FRG1: variants seen among roughly 807,000 people sequenced by gnomAD.
The protein encoded by FRG1 is protein FRG1.
A neutral mutation model predicts 37.0 loss-of-function variants in FRG1; 19 were observed. The observed-to-expected ratio is 0.51, with a 90% CI of 0.36 to 0.75. The LOEUF is 0.75. FRG1 is among the 30% of genes least tolerant of loss of function. The probability of loss-of-function intolerance (pLI) is 0.00; values close to 1 mark genes in which losing one functional copy is unlikely to be tolerated. For missense variants in FRG1, 243 were observed against 301.4 expected, an observed-to-expected ratio of 0.81 and a Z score of 1.44; for synonymous variants, 73 against 96.5, an observed-to-expected ratio of 0.76 and a Z score of 1.43.
At chr4:189,948,018 A>C (rs1233343414) in intron 2 of FRG1, among the ~76,000 whole-genome samples, 1 of 151,600 alleles carries the variant, frequency 6.6e-6, no homozygotes, top group Admixed American at 6.6e-5. Flanking sequence ...CAAATATTCT[A>C]TCCAGTTTCA....
chr4:189,958,394 A>G (rs1200538360), intron 6 of FRG1, among the ~76,000 whole-genome samples: 1 of 152,232 alleles, frequency 6.6e-6, no homozygotes, highest in Non-Finnish European at 1.5e-5. Flanking sequence ...TAATCACTCT[A>G]TGAAACATAA....
chr4:189,947,848 T>G (rs1454167839), intron 2 of FRG1, among the ~76,000 whole-genome samples: 1 of 152,240 alleles, frequency 6.6e-6, no homozygotes. Context: ...GACAGTGACA[T>G]TGCCTCATTT....
chr4:189,947,131 G>A (rs1337798117), intron 2 of FRG1, among the ~76,000 whole-genome samples: 1 of 152,192 alleles, frequency 6.6e-6, no homozygotes, highest in Admixed American at 6.5e-5. Context: ...CGTGAGCCGC[G>A]GTGCCCGGCC....
chr4:189,940,965 T>A lies in FRG1; in HGVS notation c.-45T>A. 6.5e-7 allele frequency: 1 copy of A among 1,548,464 alleles called. No individual in the cohort carries two copies. Among genetic ancestry groups the A allele is most frequent in the Non-Finnish European group, 8.9e-7 (1 of 1,123,952 alleles). On this transcript the variant is annotated 5_prime_UTR_variant, in exon 1 of 9. Transcript: ENST00000226798. ...TGTGCTGCCCCGACTCACATACTCG[T>A]CCAGAACCGGCCTCAGCCTCTCCGC...
intron 5 of FRG1, among the ~76,000 whole-genome samples, chr4:189,956,498 A>G (rs1736987855): frequency 1.3e-5 from 2 of 152,180 alleles, no homozygotes; most frequent in African/African-American, 4.8e-5. Flanking sequence ...AAACTATTGC[A>G]AAAGGGACTC....
In FRG1 at chr4:189,952,179, A is replaced by G. The variant is rs748319596; in HGVS notation, c.151A>G (p.Thr51Ala). 5 of 1,597,078 alleles carry G rather than the reference A, an allele frequency of 3.1e-6. No individual in the cohort carries two copies. Among genetic ancestry groups the G allele is most frequent in the East Asian group, 4.5e-5 (2 of 44,644 alleles). The stretch of plus-strand genomic sequence containing the variant: ...TTTTTTAGGAATCTGGTGGACAGTA[A>G]CAAACTTTGGTGAAATTTCAGGAAC... ...LDIVGIWWTV[T>A]NFGEISGTIA... The change falls in exon 3 of 9, where the codon ACA becomes GCA. Residue 51 changes from threonine (T) to alanine (A), a missense_variant. Transcript: ENST00000226798.
chr4:189,941,441 C>T (rs549832926), intron 1 of FRG1, among the ~76,000 whole-genome samples: 1 of 152,152 alleles, frequency 6.6e-6, no homozygotes, highest in African/African-American at 2.4e-5. Flanking sequence ...TGTCTCTTTT[C>T]TTTCTAGAAA....
rs1418417369 is a variant in FRG1 at position 189,953,089 on chromosome 4, C to T, written c.281C>T (p.Pro94Leu). 2 of 1,587,402 alleles carry T rather than the reference C, an allele frequency of 1.3e-6. No homozygotes were observed. The highest frequency in any genetic ancestry group is 2.7e-5 in the African/African-American group (2 of 73,392). Residue 94 changes from proline to leucine, a missense_variant, in exon 4 of 9, where the codon CCA (proline) becomes CTA (leucine). Around this residue, in one of 2 missense-constraint regions of FRG1, gnomAD observed 133 missense variants for 199.3 expected, o/e 0.67. Transcript: ENST00000226798. Reference sequence around the variant, plus strand: ...ATAGTTGATGAGGGCCCTAGTCCTCCAGAGCAGTTTACGGCTGTCAAATTA... The same window carrying T: ...ATAGTTGATGAGGGCCCTAGTCCTCTAGAGCAGTTTACGGCTGTCAAATTA... ...HKEVDEGPSPPEQFTAVKLSD... is the reference protein window; with the variant it reads ...HKEVDEGPSPLEQFTAVKLSD...
chr4:189,952,891 TAAAAG>T (rs1339646823), intron 3 of FRG1, among the ~76,000 whole-genome samples, 172 bp from the exon 4 acceptor site: 6 of 152,276 alleles, frequency 3.9e-5, no homozygotes, highest in African/African-American at 1.4e-4. Flanking sequence ...ACACTGTAGT[TAAAAG>T]AAGGTAAAAT....
chr4:189,961,959 T>C (rs375059055), intron 8 of FRG1, 27 bp downstream of exon 8: 1 of 1,158,728 alleles, frequency 8.6e-7, no homozygotes, highest in Non-Finnish European at 1.3e-6. Flanking sequence ...TTATTTCCAC[T>C]ATTTTCAGTA....
At chr4:189,954,810 G>A (rs188335530) in intron 4 of FRG1, among the ~76,000 whole-genome samples, 92 of 152,094 alleles carry the variant, frequency 6.0e-4, no homozygotes, top group Admixed American at 9.8e-4. Flanking sequence ...TGTCCAGGCT[G>A]ATCTTGAACT....
At position 189,952,267 on chromosome 4, in the gene FRG1, T is replaced by G; in HGVS notation, c.239T>G (p.Leu80Arg). Residue 80 changes from leucine (L) to arginine (R), a missense_variant, in exon 3 of 9, where the codon CTG becomes CGG. Physicochemically the swap from Leu to Arg is moderately radical, Grantham distance 102. Transcript: ENST00000226798. ...IHALDNGLFT[L>R]GAPHKEVDEG... is the part of the protein sequence containing the mutation. ...GCACTCGACAATGGTCTTTTTACCC[T>G]GGGAGCTCCACACAAAGAAGGTTTG... The G allele has an allele frequency of 3.7e-6, 6 of 1,611,012 alleles. 1 individual carries two copies. The highest frequency in any genetic ancestry group is 5.1e-6 in the Non-Finnish European group (6 of 1,179,268).
At chr4:189,942,166 A>G (rs185972770) in intron 1 of FRG1, among the ~76,000 whole-genome samples, 42 of 152,322 alleles carry the variant, frequency 2.8e-4, no homozygotes, top group Admixed American at 1.5e-3. Flanking sequence ...TGTGCCAAGA[A>G]ATTGTTGTAG....
In FRG1 at chr4:189,960,837, T is replaced by A; in HGVS notation, c.627T>A (p.Tyr209Ter). 1 of 1,604,802 alleles carries A rather than the reference T, an allele frequency of 6.2e-7. No homozygotes were observed. The highest frequency in any genetic ancestry group is 8.5e-7 in the Non-Finnish European group (1 of 1,177,990). The change falls in exon 7 of 9, where the codon TAT becomes TAA. Residue 209 changes from tyrosine (Y) to a stop codon, truncating the protein, a stop_gained and splice_region_variant. Coordinates refer to ENST00000226798, the MANE Select transcript of FRG1 (RefSeq NM_004477.3). LOFTEE classifies it high-confidence loss of function. The stretch of plus-strand genomic sequence containing the variant: ...ATGTAAAACAATGTGAAATCAATTA[T>A]GTGTATGTATTCTTTTCCTTTTAGA... Reference protein sequence around the residue: ...KGNVKQCEINYVKKFQSFQDH... With the variant: ...KGNVKQCEIN
chr4:189,954,031 G>A (rs554524758), intron 4 of FRG1, among the ~76,000 whole-genome samples: 23 of 151,702 alleles, frequency 1.5e-4, no homozygotes, highest in African/African-American at 5.1e-4. Flanking sequence ...GAAAAACTGC[G>A]AACAATCAGA....
intron 2 of FRG1, among the ~76,000 whole-genome samples, chr4:189,946,929 T>C (rs1225321541): frequency 1.3e-5 from 2 of 152,206 alleles, no homozygotes; most frequent in Non-Finnish European, 2.9e-5. Context: ...CTCGGCTCAC[T>C]GCAACCTCCG....
chr4:189,959,710 A>G (rs901055241), intron 6 of FRG1: 10 of 161,054 alleles, frequency 6.2e-5, no homozygotes, highest in Non-Finnish European at 1.0e-4. Context: ...TACTTACACA[A>G]AGATTGCCTT....
chr4:189,955,682 G>GT (rs149404299), intron 5 of FRG1, among the ~76,000 whole-genome samples: 3,100 of 152,196 alleles, frequency 0.02, 105 homozygotes, highest in African/African-American at 0.064. Context: ...CTTAATTTTA[G>GT]TAAGTAGACA....
chr4:189,942,525 T>C (rs1392720586), intron 1 of FRG1, among the ~76,000 whole-genome samples: 3 of 151,754 alleles, frequency 2.0e-5, no homozygotes, highest in Non-Finnish European at 2.9e-5. Flanking sequence ...AGGTTCATCA[T>C]TGTTGTAGCG....
Sources: allele counts gnomAD v4.1 joint callset (sites outside exome capture counted in the v4.1 genomes callset), GRCh38; gene constraint gnomAD v4.1.1; regional missense constraint gnomAD v4.1.1; transcripts MANE v1.5; gene names NCBI Gene and HGNC (gene_info 2026-07-23, HGNC 2026-07-21).